Variants in RAPGEF5 observed in about 807,000 individuals in gnomAD.
The protein encoded by RAPGEF5 is Rap guanine nucleotide exchange factor 5.
In RAPGEF5, 65 loss-of-function variants were observed where a neutral mutation model predicts 125.2. The ratio of observed to expected loss-of-function variants is 0.52; its 90% CI spans 0.43 to 0.64. The LOEUF (loss-of-function observed/expected upper bound fraction) is 0.64, where lower values mean the gene tolerates loss of function less well. RAPGEF5 is among the 30% of genes least tolerant of loss of function. The pLI is 0.00. For missense variants in RAPGEF5, 958 were observed against 1,048.1 expected, an observed-to-expected ratio of 0.91 and a Z score of 1.19; for synonymous variants, 391 against 385.9, an observed-to-expected ratio of 1.01 and a Z score of -0.16.
Position 22,230,824 on chromosome 7 carries a change from G to A in RAPGEF5, c.870+22C>T. On this transcript the variant is annotated intron_variant, in intron 8 of 25. Coordinates refer to ENST00000665637, the MANE Select transcript of RAPGEF5 (RefSeq NM_012294.5). The stretch of plus-strand genomic sequence containing the variant: ...TCAACACAGAAGGGTATGATGAGGG[G>A]CTGTCACAGAATTGATCATACCTGA... The A allele has an allele frequency of 1.9e-6, 3 of 1,549,880 alleles. No homozygotes were observed. In the South Asian group the frequency reaches 3.5e-5, roughly 18 times the overall value.
intron 24 of RAPGEF5, among the ~76,000 whole-genome samples, chr7:22,127,450 G>T (rs1583383980): frequency 6.6e-6 from 1 of 152,194 alleles, no homozygotes; most frequent in African/African-American, 2.4e-5. Flanking sequence ...CATGTTGAAG[G>T]AAGTAGCATT....
intron 1 of RAPGEF5, among the ~76,000 whole-genome samples, chr7:22,327,862 T>C (rs1198314978): frequency 1.3e-5 from 2 of 152,210 alleles, no homozygotes; most frequent in Non-Finnish European, 2.9e-5. Flanking sequence ...TCAGTAGGTC[T>C]GGGGTGAAGC....
At chr7:22,155,317 A>G (rs918290608) in intron 16 of RAPGEF5, among the ~76,000 whole-genome samples, 26 of 152,232 alleles carry the variant, frequency 1.7e-4, no homozygotes, top group African/African-American at 6.3e-4. Context: ...ATGGGTCCTG[A>G]AAAATGTTTT....
At chr7:22,127,656 A>C (rs541242237) in intron 24 of RAPGEF5, among the ~76,000 whole-genome samples, 1 of 152,342 alleles carries the variant, frequency 6.6e-6, no homozygotes, top group African/African-American at 2.4e-5. Flanking sequence ...ATTATTCAAG[A>C]ATTAATATCA....
At chr7:22,175,948 T>C (rs1346800554) in intron 11 of RAPGEF5, among the ~76,000 whole-genome samples, 1 of 152,126 alleles carries the variant, frequency 6.6e-6, no homozygotes, top group Non-Finnish European at 1.5e-5. Flanking sequence ...AAAAATAACA[T>C]TGTATTTACT....
At chr7:22,203,329 G>C (rs1221646408) in intron 9 of RAPGEF5, among the ~76,000 whole-genome samples, 1 of 152,104 alleles carries the variant, frequency 6.6e-6, no homozygotes, top group African/African-American at 2.4e-5. Flanking sequence ...CACCTCTAGA[G>C]ACCAAAAACT....
At chr7:22,209,944 T>G (rs1379106566) in intron 9 of RAPGEF5, among the ~76,000 whole-genome samples, 1 of 152,210 alleles carries the variant, frequency 6.6e-6, no homozygotes, top group South Asian at 2.1e-4. Context: ...ATATTATCAA[T>G]GGAAATGTTT....
chr7:22,125,568 T>G lies in RAPGEF5; in HGVS notation c.2536+36A>C, dbSNP rs765662483. 49 of 1,572,024 alleles carry G rather than the reference T, an allele frequency of 3.1e-5. No individual in the cohort carries two copies. The Middle Eastern group carries it at 5.0e-4, about 16-fold the overall frequency. On this transcript the variant is annotated intron_variant, in intron 25 of 25. Coordinates refer to ENST00000665637, the MANE Select transcript of RAPGEF5 (RefSeq NM_012294.5). ...GACCACAGTTGGTACCAACGTAGAG[T>G]CAATTTACATTCCGCACCTGACTTC...
At chr7:22,350,135 G>A (rs781383995) in intron 1 of RAPGEF5, among the ~76,000 whole-genome samples, 1 of 150,582 alleles carries the variant, frequency 6.6e-6, no homozygotes, top group Non-Finnish European at 1.5e-5. Context: ...TCCTAACAAA[G>A]ATTGTTATGC....
intron 8 of RAPGEF5, among the ~76,000 whole-genome samples, chr7:22,229,680 TAG>T (rs1786011180): frequency 6.6e-6 from 1 of 152,238 alleles, no homozygotes; most frequent in South Asian, 2.1e-4. Flanking sequence ...AGAACTTATA[TAG>T]ACGGGCCTGC....
intron 5 of RAPGEF5, among the ~76,000 whole-genome samples, chr7:22,302,188 G>A (rs1296568246): frequency 6.6e-6 from 1 of 152,214 alleles, no homozygotes; most frequent in Non-Finnish European, 1.5e-5. Flanking sequence ...AAATATGTAT[G>A]AAGCTAAATT....
intron 5 of RAPGEF5, among the ~76,000 whole-genome samples, chr7:22,304,992 T>C (rs2128151486): frequency 6.6e-6 from 1 of 152,300 alleles, no homozygotes; most frequent in East Asian, 1.9e-4. Flanking sequence ...CTAACACTTT[T>C]ATAGCTTCTG....
chr7:22,280,821 G>A (rs539523302), intron 6 of RAPGEF5, among the ~76,000 whole-genome samples: 1 of 152,254 alleles, frequency 6.6e-6, no homozygotes, highest in South Asian at 2.1e-4. Context: ...TGCAGTATGA[G>A]TTTAATCTCT....
intron 7 of RAPGEF5, among the ~76,000 whole-genome samples, chr7:22,263,869 A>G (rs1294189202): frequency 6.6e-6 from 1 of 152,188 alleles, no homozygotes; most frequent in Non-Finnish European, 1.5e-5. Context: ...TAGATTGGTG[A>G]GATGATATAT....
intron 7 of RAPGEF5, among the ~76,000 whole-genome samples, chr7:22,244,207 T>C (rs1412781449): frequency 3.9e-5 from 6 of 152,088 alleles, no homozygotes; most frequent in African/African-American, 2.4e-5. Flanking sequence ...TGTGTGTATA[T>C]ACATATATAT....
intron 7 of RAPGEF5, among the ~76,000 whole-genome samples, chr7:22,254,197 T>C (rs1786694148): frequency 6.6e-6 from 1 of 151,920 alleles, no homozygotes; most frequent in Non-Finnish European, 1.5e-5. Context: ...ATTACATACA[T>C]ATACTTGAAA....
Position 22,193,461 on chromosome 7 carries a change from A to T in RAPGEF5, c.1116-6T>A. ...TCCCGGACACCACCACATATCTGTC[A>T]GAGAGCAGAGAGTCCACTGAGTCAT... On this transcript the variant is annotated splice_region_variant and splice_polypyrimidine_tract_variant and intron_variant, in intron 10 of 25. Coordinates refer to ENST00000665637, the MANE Select transcript of RAPGEF5 (RefSeq NM_012294.5). 1 of 1,581,532 alleles carries T rather than the reference A, an allele frequency of 6.3e-7. No individual in the cohort carries two copies. The highest frequency in any genetic ancestry group is 8.6e-7 in the Non-Finnish European group (1 of 1,162,852).
intron 22 of RAPGEF5, 142 bp from the exon 23 acceptor site, chr7:22,136,267 TAGG>T: frequency 1.8e-6 from 1 of 569,806 alleles, no homozygotes; most frequent in East Asian, 3.0e-5. Context: ...AAAGGTTTCC[TAGG>T]AGAATAAACT....
chr7:22,219,308 G>A (rs1191264982), intron 9 of RAPGEF5, among the ~76,000 whole-genome samples: 1 of 151,880 alleles, frequency 6.6e-6, no homozygotes, highest in Non-Finnish European at 1.5e-5. Flanking sequence ...CTTTCCTCCA[G>A]CTTTAACTAT....
Sources: gnomAD v4.1 joint callset for allele counts (sites outside exome capture counted in the v4.1 genomes callset) on GRCh38, gnomAD v4.1.1 for gene constraint, MANE v1.5 for transcripts, NCBI Gene and HGNC (gene_info 2026-07-23, HGNC 2026-07-21) for gene names.